Variants in RHEB observed in about 807,000 individuals in gnomAD.
RHEB encodes Ras homolog, mTORC1 binding.
In RHEB, 2 loss-of-function variants were observed where a neutral mutation model predicts 28.8. The observed-to-expected ratio is 0.07, with a 90% CI of 0.03 to 0.22. RHEB has a LOEUF of 0.22. Ranked by LOEUF, RHEB falls within the 10% of genes least tolerant of loss-of-function variation. RHEB has a pLI of 1.00. For missense variants in RHEB, 76 were observed against 219.9 expected (o/e 0.35, Z 4.14); for synonymous variants, 69 against 77.3 (o/e 0.89, Z 0.56).
intron 1 of RHEB, among the ~76,000 whole-genome samples, chr7:151,491,552 A>G (rs1017538642): frequency 1.3e-5 from 2 of 152,108 alleles, no homozygotes; most frequent in African/African-American, 4.8e-5. Context: ...CCTGGCCAAC[A>G]TGGCGAAATC....
At chr7:151,517,445 G>A (rs1296916208) in intron 1 of RHEB, among the ~76,000 whole-genome samples, 1 of 151,460 alleles carries the variant, frequency 6.6e-6, no homozygotes, top group East Asian at 1.9e-4. Context: ...ATATGACTAC[G>A]CTTGAAAATA....
intron 1 of RHEB, among the ~76,000 whole-genome samples, chr7:151,508,881 C>G (rs1049387707): frequency 6.6e-6 from 1 of 152,082 alleles, no homozygotes; most frequent in Non-Finnish European, 1.5e-5. Flanking sequence ...TAAATTTGTG[C>G]TCCAGAAATA....
chr7:151,500,070 G>A (rs1802745989), intron 1 of RHEB, among the ~76,000 whole-genome samples: 1 of 152,192 alleles, frequency 6.6e-6, no homozygotes, highest in Non-Finnish European at 1.5e-5. Flanking sequence ...CCAAAGTGCT[G>A]AGATTATGGG....
chr7:151,496,829 G>A (rs1447522107), intron 1 of RHEB, among the ~76,000 whole-genome samples: 1 of 151,978 alleles, frequency 6.6e-6, no homozygotes, highest in Non-Finnish European at 1.5e-5. Flanking sequence ...GCCCAGGCTG[G>A]AGTGCAGTGA....
intron 1 of RHEB, among the ~76,000 whole-genome samples, chr7:151,508,118 G>A (rs1802920515): frequency 6.6e-6 from 1 of 152,138 alleles, no homozygotes. Flanking sequence ...AATCTGGAGA[G>A]AAGACCTGGG....
intron 1 of RHEB, among the ~76,000 whole-genome samples, chr7:151,507,101 CAGTAA>C (rs1802896228): frequency 6.6e-6 from 1 of 152,162 alleles, no homozygotes; most frequent in African/African-American, 2.4e-5. Flanking sequence ...GAACAGACAC[CAGTAA>C]AGCAGACTTG....
intron 1 of RHEB, chr7:151,502,978 C>T: frequency 2.6e-6 from 2 of 783,222 alleles, no homozygotes; most frequent in Admixed American, 3.4e-5. Context: ...CTACTGAAGT[C>T]CTCTCCGAAG....
chr7:151,512,239 G>A (rs1314132744), intron 1 of RHEB, among the ~76,000 whole-genome samples: 1 of 152,108 alleles, frequency 6.6e-6, no homozygotes, highest in East Asian at 1.9e-4. Flanking sequence ...AGTTGTTTGC[G>A]AACTTGTTAT....
At chr7:151,479,515 C>T (rs918905909) in intron 3 of RHEB, among the ~76,000 whole-genome samples, 2 of 151,768 alleles carry the variant, frequency 1.3e-5, no homozygotes, top group Non-Finnish European at 2.9e-5. Context: ...ACCCCGTCTC[C>T]ACTCAAAATA....
chr7:151,497,790 C>T (rs1443873974), intron 1 of RHEB, among the ~76,000 whole-genome samples: 1 of 152,194 alleles, frequency 6.6e-6, no homozygotes, highest in Admixed American at 6.5e-5. Context: ...GTTCTATCCC[C>T]TTGTTCTCTA....
chr7:151,506,296 C>T (rs1400583994), intron 1 of RHEB, among the ~76,000 whole-genome samples: 1 of 151,584 alleles, frequency 6.6e-6, no homozygotes, highest in Non-Finnish European at 1.5e-5. Context: ...ATGATCCTCT[C>T]ACCTTGGTCT....
chr7:151,508,190 C>T (rs73154878), intron 1 of RHEB, among the ~76,000 whole-genome samples: 2,478 of 152,174 alleles, frequency 0.016, 28 homozygotes, highest in Middle Eastern at 0.058. Context: ...TATTTCTTAA[C>T]ATATTAAAGA....
chr7:151,474,460 T>C (rs1225051530), intron 4 of RHEB, among the ~76,000 whole-genome samples: 3 of 152,182 alleles, frequency 2.0e-5, no homozygotes, highest in Admixed American at 2.0e-4. Context: ...GGATTACAGG[T>C]GTGGGCCACT....
chr7:151,498,296 A>G (rs1340959968), intron 1 of RHEB: 1 of 468,708 alleles, frequency 2.1e-6, no homozygotes, highest in South Asian at 1.6e-5. Context: ...TCAAACATCA[A>G]TGCAACCTGC....
intron 3 of RHEB, among the ~76,000 whole-genome samples, chr7:151,481,395 C>T (rs1346624542): frequency 6.6e-6 from 1 of 152,184 alleles, no homozygotes; most frequent in Non-Finnish European, 1.5e-5. Context: ...CAATTTCACT[C>T]CTGAAATGTG....
chr7:151,502,171 T>C, intron 1 of RHEB: 3 of 435,682 alleles, frequency 6.9e-6, no homozygotes, highest in East Asian at 4.5e-5. Context: ...GGGAGGCTTA[T>C]GTGGCAGTGA....
chr7:151,469,658 C>T (rs1480591340), intron 7 of RHEB, among the ~76,000 whole-genome samples: 1 of 152,070 alleles, frequency 6.6e-6, no homozygotes, highest in South Asian at 2.1e-4. Flanking sequence ...TAAGTAGATA[C>T]TTAGAGAAGG....
chr7:151,487,272 G>T (rs1563095180), intron 2 of RHEB, among the ~76,000 whole-genome samples: 3 of 152,220 alleles, frequency 2.0e-5, no homozygotes, highest in African/African-American at 7.2e-5. Context: ...CTGCACTCCT[G>T]CCTGAAGGAC....
At chr7:151,494,266 G>A (rs1802637360) in intron 1 of RHEB, among the ~76,000 whole-genome samples, 1 of 152,254 alleles carries the variant, frequency 6.6e-6, no homozygotes. Flanking sequence ...TGGGCAACCA[G>A]GAACCCCTGG....
Sources: allele counts gnomAD v4.1 joint callset (sites outside exome capture counted in the v4.1 genomes callset), GRCh38; gene constraint gnomAD v4.1.1; transcripts MANE v1.5; gene names NCBI Gene and HGNC (gene_info 2026-07-23, HGNC 2026-07-21).